KPNA4: variants seen among roughly 807,000 people sequenced by gnomAD.
KPNA4 encodes the protein importin subunit alpha-3.
Under a neutral mutation model 71.3 loss-of-function variants are expected in KPNA4, and 13 were observed. That is an observed-to-expected ratio of 0.18 (90% CI 0.12 to 0.29). KPNA4 has a LOEUF of 0.29. KPNA4 is among the 10% of genes least tolerant of loss of function. The pLI is 1.00. For synonymous variants in KPNA4, 189 were observed against 195.2 expected, an observed-to-expected ratio of 0.97 and a Z score of 0.26; for missense variants, 334 against 603.2, an observed-to-expected ratio of 0.55 and a Z score of 4.67.
rs950387059 is a variant in KPNA4 at position 160,550,990 on chromosome 3, T to C, written c.70-14150A>G. On this transcript the variant is annotated intron_variant, in intron 1 of 16. Transcript: ENST00000334256. The stretch of plus-strand genomic sequence containing the variant: ...TTTCTTTTCTTATAATGTCTTTTTC[T>C]GGTTTTAGTATCAGAGTAGGGCTGG... Among the ~76,000 whole-genome samples the C allele has an allele frequency of 2.0e-5, 3 of 152,348 alleles. No individual in the cohort carries two copies. In the East Asian group the frequency reaches 5.8e-4, roughly 29 times the overall value.
At chr3:160,541,649 G>GCGCACACACACACA in intron 1 of KPNA4, among the ~76,000 whole-genome samples, 1 of 146,756 alleles carries the variant, frequency 6.8e-6, no homozygotes, top group African/African-American at 2.5e-5. Flanking sequence ...TTATATACGC[G>GCGCACACACACACA]CACACACACA....
chr3:160,553,607 T>G (rs1454610878), intron 1 of KPNA4, among the ~76,000 whole-genome samples: 1 of 152,204 alleles, frequency 6.6e-6, no homozygotes, highest in South Asian at 2.1e-4. Flanking sequence ...CTAGTCTGAA[T>G]AAGGATATGT....
chr3:160,546,466 C>T (rs768828253), intron 1 of KPNA4, among the ~76,000 whole-genome samples: 12 of 151,956 alleles, frequency 7.9e-5, no homozygotes, highest in African/African-American at 1.5e-4. Flanking sequence ...TGCAGTGAGC[C>T]GAGATCGCAA....
At chr3:160,530,549 G>T (rs1022245237) in intron 7 of KPNA4, among the ~76,000 whole-genome samples, 3 of 152,070 alleles carry the variant, frequency 2.0e-5, no homozygotes, top group Admixed American at 6.5e-5. Context: ...GTGGCAACAG[G>T]AAAAACTCCT....
chr3:160,524,247 A>G (rs1721418687), intron 10 of KPNA4, among the ~76,000 whole-genome samples: 1 of 152,240 alleles, frequency 6.6e-6, no homozygotes, highest in Admixed American at 6.5e-5. Context: ...AAAGAACACA[A>G]TCTATCTCTA....
At chr3:160,512,842 A>C (rs748359435) in intron 13 of KPNA4, among the ~76,000 whole-genome samples, 18 of 152,160 alleles carry the variant, frequency 1.2e-4, no homozygotes, top group Non-Finnish European at 1.9e-4. Context: ...AAAACAACAA[A>C]ACAAAAAACA....
At position 160,495,099 on chromosome 3, in the gene KPNA4, A is replaced by G. The variant is rs1390784767; in HGVS notation, c.*7005T>C. The G allele has an allele frequency of 2.0e-5, 3 of 152,212 alleles. No individual in the cohort carries two copies. Among genetic ancestry groups the G allele is most frequent in the Non-Finnish European group, 4.4e-5 (3 of 68,036 alleles). The allele number at this position is 152,212 out of a possible 1,614,324, so 9.4% of individuals were successfully genotyped here. A position where few individuals can be genotyped will look rare whatever the true frequency, so the allele number is the denominator to read the frequency against. ...TGCTTATATGCCGACCTTGCCCTTA[A>G]GGAGCTTACAATCTAGTGGAAAGAA... On this transcript the variant is annotated 3_prime_UTR_variant, in exon 17 of 17. Coordinates refer to ENST00000334256, the MANE Select transcript of KPNA4 (RefSeq NM_002268.5).
intron 11 of KPNA4, among the ~76,000 whole-genome samples, chr3:160,517,116 A>G (rs1458311371): frequency 6.6e-6 from 1 of 152,042 alleles, no homozygotes; most frequent in Non-Finnish European, 1.5e-5. Context: ...TCCATTAGTG[A>G]TCACTCCCAC....
chr3:160,528,167 T>C, intron 7 of KPNA4, 128 bp from the exon 8 acceptor site: 1 of 541,556 alleles, frequency 1.8e-6, no homozygotes, highest in Non-Finnish European at 3.3e-6. Context: ...ATAACCTCAT[T>C]AAATGAATTT....
At chr3:160,560,241 CT>C (rs1223444167) in intron 1 of KPNA4, among the ~76,000 whole-genome samples, 2 of 152,080 alleles carry the variant, frequency 1.3e-5, no homozygotes, top group East Asian at 3.8e-4. Context: ...AAATCATTCC[CT>C]TAAATGTTAT....
chr3:160,554,526 A>G (rs990440824), intron 1 of KPNA4, among the ~76,000 whole-genome samples: 10 of 152,142 alleles, frequency 6.6e-5, no homozygotes, highest in Non-Finnish European at 1.3e-4. Context: ...CTATGCAGTG[A>G]TGAGTGTCTT....
chr3:160,532,600 G>C (rs895423982), intron 5 of KPNA4, among the ~76,000 whole-genome samples: 1 of 152,148 alleles, frequency 6.6e-6, no homozygotes, highest in African/African-American at 2.4e-5. Context: ...GGAGACTACA[G>C]GTTTAGCTGA....
intron 8 of KPNA4, among the ~76,000 whole-genome samples, chr3:160,527,672 T>A (rs1721484074): frequency 6.6e-6 from 1 of 152,104 alleles, no homozygotes; most frequent in Admixed American, 6.6e-5. Flanking sequence ...AAAAAATGGA[T>A]CCTAGCATGA....
intron 8 of KPNA4, among the ~76,000 whole-genome samples, chr3:160,527,373 T>C (rs986166026): frequency 6.6e-6 from 1 of 152,214 alleles, no homozygotes; most frequent in Non-Finnish European, 1.5e-5. Context: ...ACCTGAAAGT[T>C]ATAGTAATCA....
chr3:160,518,148 G>A (rs1420463827), intron 11 of KPNA4, among the ~76,000 whole-genome samples: 1 of 142,886 alleles, frequency 7.0e-6, no homozygotes, highest in Non-Finnish European at 1.5e-5. Context: ...TTTTTTTTGA[G>A]ACGGAGTCTC....
chr3:160,506,801 C>T (rs193080823), intron 15 of KPNA4, among the ~76,000 whole-genome samples: 2 of 152,290 alleles, frequency 1.3e-5, no homozygotes, highest in Admixed American at 6.5e-5. Context: ...CACTATTCCC[C>T]ATCTCTTGTT....
intron 7 of KPNA4, among the ~76,000 whole-genome samples, chr3:160,528,889 G>T (rs570874127): frequency 6.6e-6 from 1 of 152,174 alleles, no homozygotes; most frequent in Non-Finnish European, 1.5e-5. Flanking sequence ...TTAAGTATAT[G>T]TAGCTCAATC....
chr3:160,500,796 C>T lies in KPNA4; in HGVS notation c.*1308G>A, dbSNP rs1306628043. ...TGTACATCTACTCAAACCTCTTCAT[C>T]GGTCTTTATTCAGCAGTACATATGC... On this transcript the variant is annotated 3_prime_UTR_variant, in exon 17 of 17. Transcript: ENST00000334256. The T allele has an allele frequency of 1.3e-5, 2 of 152,548 alleles. No individual in the cohort carries two copies. Among genetic ancestry groups the T allele is most frequent in the African/African-American group, 2.4e-5 (1 of 41,438 alleles). 9.4% of individuals were successfully genotyped at this position (152,548 alleles called of 1,614,324 possible).
intron 14 of KPNA4, 129 bp from the exon 15 acceptor site, chr3:160,508,398 T>C: frequency 1.8e-6 from 1 of 541,958 alleles, no homozygotes; most frequent in Non-Finnish European, 3.1e-6. Flanking sequence ...TCATGTTAAG[T>C]GTGCCCACAT....
Sources: allele counts gnomAD v4.1 joint callset (sites outside exome capture counted in the v4.1 genomes callset), GRCh38; gene constraint gnomAD v4.1.1; transcripts MANE v1.5; gene names NCBI Gene and HGNC (gene_info 2026-07-23, HGNC 2026-07-21).